OPHN1: variants seen among roughly 807,000 people sequenced by gnomAD.
OPHN1 encodes oligophrenin 1, also known as oligophrenin-1.
A neutral mutation model predicts 60.7 loss-of-function variants in OPHN1; 11 were observed. That is an observed-to-expected ratio of 0.18 (90% CI 0.11 to 0.30). The LOEUF (loss-of-function observed/expected upper bound fraction) is 0.30. OPHN1 is among the 10% of genes least tolerant of loss of function. OPHN1 has a pLI of 1.00. For missense variants in OPHN1, 449 were observed against 611.0 expected (o/e 0.73, Z 2.80); for synonymous variants, 226 against 222.6 (o/e 1.02, Z -0.14).
At chrX:68,396,281 A>T (rs1205780723) in intron 2 of OPHN1, among the ~76,000 whole-genome samples, 1 of 104,805 alleles carries the variant, frequency 9.5e-6, no homozygotes, top group Non-Finnish European at 2.0e-5. Context: ...AAAAAAAAAA[A>T]TAGCCTGGCA....
Position 68,174,550 on chromosome X carries a change from C to T in OPHN1, c.1276+18369G>A, listed in dbSNP as rs2077405996. 3.0e-5 allele frequency among the ~76,000 whole-genome samples: 3 copies of T among 99,165 alleles called. No homozygotes were observed. In the South Asian group the frequency reaches 1.5e-3, roughly 50 times the overall value. The allele number at this position is 99,165 out of a possible 115,157, so 86.1% of individuals were successfully genotyped here. A position where few individuals can be genotyped will look rare whatever the true frequency, so the allele number is the denominator to read the frequency against. The stretch of plus-strand genomic sequence containing the variant: ...GCAGTGGTGCAATCGCAGCTTACTG[C>T]AGCCTCGACCTCCCGTGCATAAGCA... On this transcript the variant is annotated intron_variant, in intron 15 of 24. Coordinates refer to ENST00000355520, the MANE Select transcript of OPHN1 (RefSeq NM_002547.3).
intron 18 of OPHN1, among the ~76,000 whole-genome samples, chrX:68,110,413 G>C (rs928721785): frequency 8.9e-6 from 1 of 111,738 alleles, no homozygotes; most frequent in African/African-American, 3.3e-5. Flanking sequence ...CACTAAGCAC[G>C]GGCATCCTCA....
chrX:68,381,353 G>A (rs965228333), intron 2 of OPHN1, among the ~76,000 whole-genome samples: 2 of 111,700 alleles, frequency 1.8e-5, no homozygotes, highest in African/African-American at 6.5e-5. Flanking sequence ...CTTGAGGATA[G>A]GGATTTTTTT....
chrX:68,366,694 T>G (rs2078500598), intron 2 of OPHN1, among the ~76,000 whole-genome samples: 1 of 111,571 alleles, frequency 9.0e-6, no homozygotes, highest in African/African-American at 3.3e-5. Flanking sequence ...TTACGATACA[T>G]TTTACTATCA....
At chrX:68,156,456 A>G (rs2077310493) in intron 15 of OPHN1, among the ~76,000 whole-genome samples, 1 of 111,389 alleles carries the variant, frequency 9.0e-6, no homozygotes. Context: ...TATATTCACA[A>G]ATTGTACAAC....
Position 68,317,360 on chromosome X carries a change from AAAGAAAGAAAGAAAGAAAGGAAGGAAGG to A in OPHN1, c.155-18292_155-18265del, listed in dbSNP as rs1343330959. On this transcript the variant is annotated intron_variant, in intron 2 of 24. Transcript: ENST00000355520. ...AGAGGAAAGAAAGAAAGAAAGAAAG[AAAGAAAGAAAGAAAGAAAGGAAGGAAGG>A]AAGGAAGGAAGGAAGGAAGGAAGGA... is the stretch of plus-strand genomic sequence containing the variant. Among the ~76,000 whole-genome samples, 492 of 66,561 alleles carry A rather than the reference AAAGAAAGAAAGAAAGAAAGGAAGGAAGG, an allele frequency of 7.4e-3. 6 individuals are homozygous for A. The highest frequency in any genetic ancestry group is 0.033 in the African/African-American group (473 of 14,422). The allele number at this position is 66,561 out of a possible 115,157, so 57.8% of individuals were successfully genotyped here.
At chrX:68,231,499 T>C (rs1456797172) in intron 6 of OPHN1, among the ~76,000 whole-genome samples, 1 of 111,742 alleles carries the variant, frequency 8.9e-6, no homozygotes, top group Non-Finnish European at 1.9e-5. Flanking sequence ...CTGCACACAA[T>C]TTTTTATCGC....
chrX:68,167,024 G>A (rs2077361470), intron 15 of OPHN1, among the ~76,000 whole-genome samples: 1 of 111,925 alleles, frequency 8.9e-6, no homozygotes, highest in South Asian at 3.7e-4. Context: ...AGCAAAAATG[G>A]ACAAATGGGA....
chrX:68,355,789 C>T (rs367920648), intron 2 of OPHN1, among the ~76,000 whole-genome samples: 2 of 111,907 alleles, frequency 1.8e-5, no homozygotes, highest in Non-Finnish European at 3.8e-5. Context: ...GTAATCCCAG[C>T]GCTTTGGGAG....
At chrX:68,262,965 G>A (rs1346510944) in intron 5 of OPHN1, among the ~76,000 whole-genome samples, 2 of 111,690 alleles carry the variant, frequency 1.8e-5, no homozygotes, top group Non-Finnish European at 3.8e-5. Flanking sequence ...AAAACAGGAA[G>A]ATCTATCTGG....
intron 20 of OPHN1, among the ~76,000 whole-genome samples, chrX:68,072,179 G>A (rs966213540): frequency 8.9e-6 from 1 of 112,304 alleles, no homozygotes; most frequent in African/African-American, 3.2e-5. Flanking sequence ...ATCAAGTTAT[G>A]TTTTGCACAG....
chrX:68,076,418 A>G (rs1402244322), intron 19 of OPHN1, among the ~76,000 whole-genome samples: 2 of 109,844 alleles, frequency 1.8e-5, no homozygotes, highest in Non-Finnish European at 3.8e-5. Context: ...AAACCACCCA[A>G]TGAAATAGAT....
At chrX:68,140,050 C>T (rs1222154045) in intron 15 of OPHN1, among the ~76,000 whole-genome samples, 1 of 112,262 alleles carries the variant, frequency 8.9e-6, no homozygotes, top group Non-Finnish European at 1.9e-5. Context: ...ACTTGCTATA[C>T]ATAATTCATT....
chrX:68,411,789 C>A (rs2078770909), intron 2 of OPHN1, among the ~76,000 whole-genome samples: 1 of 111,653 alleles, frequency 9.0e-6, no homozygotes, highest in Non-Finnish European at 1.9e-5. Context: ...TCCCATTTGT[C>A]AATTTTTTTG....
At chrX:68,382,762 T>G (rs1331087142) in intron 2 of OPHN1, among the ~76,000 whole-genome samples, 1 of 111,572 alleles carries the variant, frequency 9.0e-6, no homozygotes, top group Non-Finnish European at 1.9e-5. Flanking sequence ...ATAGGTGAAT[T>G]TTATGGTATG....
chrX:68,378,093 C>T (rs766789158), intron 2 of OPHN1, among the ~76,000 whole-genome samples: 2 of 111,855 alleles, frequency 1.8e-5, no homozygotes, highest in South Asian at 3.8e-4. Context: ...CCAGCATCTG[C>T]TGTTTCCTGA....
intron 18 of OPHN1, 69 bp downstream of exon 18, chrX:68,111,785 C>G: frequency 1.4e-6 from 1 of 726,388 alleles, no homozygotes; most frequent in Non-Finnish European, 2.2e-6. Context: ...GAGGCAGTTT[C>G]TGTGTAGTCC....
intron 19 of OPHN1, 92 bp downstream of exon 19, chrX:68,096,778 G>A (rs750682537): frequency 1.2e-5 from 11 of 918,053 alleles, no homozygotes; most frequent in Middle Eastern, 3.8e-4. Context: ...CACTGTCAAC[G>A]TGAGCCAAGG....
At chrX:68,199,799 G>A (rs2077527016) in intron 11 of OPHN1, among the ~76,000 whole-genome samples, 2 of 112,802 alleles carry the variant, frequency 1.8e-5, no homozygotes, top group South Asian at 7.3e-4. Flanking sequence ...AGTGGCTCAC[G>A]CCTATAATCC....
Sources: allele counts gnomAD v4.1 joint callset (sites outside exome capture counted in the v4.1 genomes callset), GRCh38; gene constraint gnomAD v4.1.1; transcripts MANE v1.5; gene names NCBI Gene and HGNC (gene_info 2026-07-23, HGNC 2026-07-21).